Variants in FCRL5 observed in about 807,000 individuals in gnomAD.
The protein encoded by FCRL5 is Fc receptor like 5.
Under a neutral mutation model 92.1 loss-of-function variants are expected in FCRL5, and 79 were observed. The ratio of observed to expected loss-of-function variants is 0.86; its 90% confidence interval spans 0.72 to 1.03. The LOEUF (loss-of-function observed/expected upper bound fraction) is 1.03, where lower values mean the gene tolerates loss of function less well. FCRL5 is among the 50% of genes least tolerant of loss of function. FCRL5 has a pLI of 0.00. For synonymous variants in FCRL5, 466 were observed against 469.3 expected (o/e 0.99, Z 0.09); for missense variants, 1,160 against 1,181.1 (o/e 0.98, Z 0.26).
rs60191062 is a variant in FCRL5, at chr1:157,535,943, G to GTTTTTTTTTTTTTTTTTTT, written c.1403-1052_1403-1051insAAAAAAAAAAAAAAAAAAA. 2.6e-4 allele frequency among the ~76,000 whole-genome samples: 23 copies of GTTTTTTTTTTTTTTTTTTT among 90,032 alleles called. 3 individuals are homozygous for GTTTTTTTTTTTTTTTTTTT. The highest frequency in any genetic ancestry group is 4.0e-4 in the Non-Finnish European group (19 of 46,934). The allele number at this position is 90,032 out of a possible 152,430, so 59.1% of individuals were successfully genotyped here. A position where few individuals can be genotyped will look rare whatever the true frequency, so the allele number is the denominator to read the frequency against. On this transcript the variant is annotated intron_variant, in intron 7 of 16. Transcript: ENST00000361835. ...GGCTAAATTCACTGGATGTGACTCA[G>GTTTTTTTTTTTTTTTTTTT]TTTTTTTTTTTTTTTTGAGATGGAG...
chr1:157,544,747 C>A, intron 4 of FCRL5, 84 bp downstream of exon 4: 10 of 1,548,914 alleles, frequency 6.5e-6, no homozygotes, highest in Non-Finnish European at 8.8e-6. Context: ...TATTCCAGTC[C>A]ACCCTTTTCC....
chr1:157,534,120 C>T (rs1326114071), intron 8 of FCRL5: 6 of 317,632 alleles, frequency 1.9e-5, no homozygotes, highest in Non-Finnish European at 3.0e-5. Context: ...GGTTAGAAAA[C>T]AAGGGATCAT....
chr1:157,549,765 T>A (rs1400726230), intron 1 of FCRL5, among the ~76,000 whole-genome samples, 185 bp from the exon 2 acceptor site: 1 of 152,068 alleles, frequency 6.6e-6, no homozygotes, highest in Non-Finnish European at 1.5e-5. Flanking sequence ...CATATATATA[T>A]GGCATGGTAT....
intron 8 of FCRL5, chr1:157,528,126 A>G (rs1317678923): frequency 2.6e-6 from 1 of 384,014 alleles, no homozygotes; most frequent in Admixed American, 4.1e-5. Flanking sequence ...AAGTTTCAGG[A>G]TACAAAATCA....
At chr1:157,531,250 A>C (rs987211175) in intron 8 of FCRL5, among the ~76,000 whole-genome samples, 3 of 152,242 alleles carry the variant, frequency 2.0e-5, no homozygotes, top group African/African-American at 7.2e-5. Flanking sequence ...TTGGGGAAAT[A>C]CAATTAAAAC....
chr1:157,529,166 A>G (rs1398027877), intron 8 of FCRL5, among the ~76,000 whole-genome samples: 1 of 152,252 alleles, frequency 6.6e-6, no homozygotes, highest in Non-Finnish European at 1.5e-5. Flanking sequence ...GAATATTTTC[A>G]AAAGAAGATA....
chr1:157,537,621 C>T (rs11264755), intron 7 of FCRL5, among the ~76,000 whole-genome samples: 9,899 of 152,100 alleles, frequency 0.065, 817 homozygotes, highest in African/African-American at 0.19. Context: ...TAGTACACTC[C>T]CTCCACTTTT....
chr1:157,525,600 G>A (rs185619790), intron 9 of FCRL5, among the ~76,000 whole-genome samples: 1 of 152,184 alleles, frequency 6.6e-6, no homozygotes, highest in Non-Finnish European at 1.5e-5. Flanking sequence ...ATGGACTGTG[G>A]TGGAATGGAA....
At chr1:157,521,477 A>C (rs1650192826) in intron 10 of FCRL5, 185 bp from the exon 11 acceptor site, 2 of 643,436 alleles carry the variant, frequency 3.1e-6, no homozygotes, top group East Asian at 6.0e-5. Context: ...CCAATAGAAA[A>C]CTGTAAAAAG....
chr1:157,520,528 A>G lies in FCRL5; in HGVS notation c.2535T>C (p.Ser845=). ...LYITGLTANR[S]GPFATGVAGG... ...CGGCGACTCCTGTGGCAAAAGGGCC[A>G]CTTCTGTTCGCGGTCAGCCCTGAGG... Residue 845 remains serine, a synonymous_variant, in exon 12 of 17, where the codon AGT becomes AGC. Coordinates refer to ENST00000361835, the MANE Select transcript of FCRL5 (RefSeq NM_031281.3). The G allele has an allele frequency of 6.3e-7, 1 of 1,582,564 alleles. No individual in the cohort carries two copies. The highest frequency in any genetic ancestry group is 1.3e-5 in the African/African-American group (1 of 74,248).
At chr1:157,518,970 C>A (rs12122119) in intron 13 of FCRL5, 188 bp from the exon 14 acceptor site, 29,206 of 483,378 alleles carry the variant, frequency 0.06, 4,516 homozygotes, top group African/African-American at 0.41. Flanking sequence ...TCCAGGCTTT[C>A]TGGTCATCTA....
chr1:157,546,162 TAG>T lies in FCRL5; in HGVS notation c.307+779_307+780del, dbSNP rs1651524633. 6.0e-5 allele frequency: 22 copies of T among 368,388 alleles called. 1 individual carries two copies. The highest frequency in any genetic ancestry group is 4.2e-4 in the South Asian group (20 of 47,900). The allele number at this position is 368,388 out of a possible 1,614,324, so 22.8% of individuals were successfully genotyped here. A position where few individuals can be genotyped will look rare whatever the true frequency, so the allele number is the denominator to read the frequency against. ...AAATAATGTGACTTAAAACTATACA[TAG>T]AGGCCGGGTGCAGTGGCTCATACCT... is the stretch of plus-strand genomic sequence containing the variant. On this transcript the variant is annotated intron_variant, in intron 3 of 16. Coordinates refer to ENST00000361835, the MANE Select transcript of FCRL5 (RefSeq NM_031281.3).
chr1:157,515,717 A>C lies in FCRL5; in HGVS notation c.2892T>G (p.Val964=), dbSNP rs1649889889. The C allele has an allele frequency of 1.2e-6, 2 of 1,614,080 alleles. No homozygotes were observed. Among genetic ancestry groups the C allele is most frequent in the South Asian group, 2.2e-5 (2 of 91,090 alleles). The stretch of plus-strand genomic sequence containing the variant: ...AGGAAGCCAAGAACAGGGATCCGGA[A>C]ACCGGGGTTGACGCCACCTTAACTT... ...YSEVKVASTP[V]SGSLFLASSA... The change falls in exon 17 of 17, where the codon GTT becomes GTG. Residue 964 remains valine, a synonymous_variant. Coordinates refer to ENST00000361835, the MANE Select transcript of FCRL5 (RefSeq NM_031281.3).
Position 157,518,782 on chromosome 1 carries a change from C to T in FCRL5, c.2661G>A (p.Arg887=). ...AGRKPASDPA[R]SPSDSDSQEP... ...CTTGGGAGTCCGAGTCTGAAGGGCT[C>T]CTGTGAGACAGAGAAATGTGAATGT... The change falls in exon 14 of 17, where the codon AGG becomes AGA. Residue 887 remains arginine, a splice_region_variant and synonymous_variant. Coordinates refer to ENST00000361835, the MANE Select transcript of FCRL5 (RefSeq NM_031281.3). 1.9e-6 allele frequency: 3 copies of T among 1,610,240 alleles called. No individual in the cohort carries two copies. The highest frequency in any genetic ancestry group is 2.5e-6 in the Non-Finnish European group (3 of 1,178,106).
chr1:157,544,576 G>A (rs202193628), intron 4 of FCRL5, 30 bp from the exon 5 acceptor site: 4 of 1,606,440 alleles, frequency 2.5e-6, no homozygotes, highest in East Asian at 2.2e-5. Flanking sequence ...CAGTCCCAGA[G>A]CAATGAGGCT....
chr1:157,520,597 A>G, intron 11 of FCRL5, 50 bp from the exon 12 acceptor site: 1 of 1,431,908 alleles, frequency 7.0e-7, no homozygotes, highest in Non-Finnish European at 9.6e-7. Flanking sequence ...GTGGTCTGGA[A>G]CTGCCCGCTC....
chr1:157,534,251 C>G (rs1352155705), intron 8 of FCRL5: 2 of 647,962 alleles, frequency 3.1e-6, no homozygotes, highest in Non-Finnish European at 5.7e-6. Flanking sequence ...AGGTCTTGAC[C>G]AATATTTATC....
intron 8 of FCRL5, chr1:157,533,093 C>T (rs1367943635): frequency 6.6e-6 from 1 of 152,156 alleles, no homozygotes; most frequent in East Asian, 1.9e-4. Context: ...TCTGAGACGA[C>T]TGCTTTTTTC....
At chr1:157,539,924 C>T (rs147818497) in intron 6 of FCRL5, among the ~76,000 whole-genome samples, 1 of 152,300 alleles carries the variant, frequency 6.6e-6, no homozygotes, top group African/African-American at 2.4e-5. Context: ...CTTCCTTTTT[C>T]TCCATATCTT....
Sources: allele counts gnomAD v4.1 joint callset (sites outside exome capture counted in the v4.1 genomes callset), GRCh38; gene constraint gnomAD v4.1.1; transcripts MANE v1.5; gene names NCBI Gene and HGNC (gene_info 2026-07-23, HGNC 2026-07-21).